The following DPP4 variants were observed in gnomAD, a reference collection of about 807,000 sequenced individuals.
The protein encoded by DPP4 is ADCP-2.
A neutral mutation model predicts 122.4 loss-of-function variants in DPP4; 93 were observed. That is an observed-to-expected ratio of 0.76 (90% CI 0.64 to 0.90). The LOEUF (loss-of-function observed/expected upper bound fraction) is 0.90. Among genes scored for constraint, DPP4 ranks in the 40% least tolerant of loss-of-function variants. The pLI is 0.00. For missense variants in DPP4, 914 were observed against 907.3 expected, an observed-to-expected ratio of 1.01 and a Z score of -0.09; for synonymous variants, 321 against 302.9, an observed-to-expected ratio of 1.06 and a Z score of -0.62.
intron 10 of DPP4, among the ~76,000 whole-genome samples, chr2:162,029,969 A>G (rs1345941304): frequency 6.6e-6 from 1 of 152,180 alleles, no homozygotes; most frequent in Non-Finnish European, 1.5e-5. Context: ...CCATCCATCC[A>G]TCCTCTGCTT....
At chr2:162,037,339 A>G (rs1683815977) in intron 8 of DPP4, among the ~76,000 whole-genome samples, 1 of 152,180 alleles carries the variant, frequency 6.6e-6, no homozygotes, top group South Asian at 2.1e-4. Context: ...GTGCTGTCCA[A>G]GGGTTAAAGA....
chr2:162,029,426 G>T (rs1176968669), intron 10 of DPP4, among the ~76,000 whole-genome samples: 1 of 152,222 alleles, frequency 6.6e-6, no homozygotes, highest in East Asian at 1.9e-4. Context: ...CTGCTCTGAT[G>T]GGGATGCCAA....
chr2:162,041,448 C>G (rs1456426818), intron 5 of DPP4, among the ~76,000 whole-genome samples: 2 of 152,078 alleles, frequency 1.3e-5, no homozygotes, highest in African/African-American at 2.4e-5. Flanking sequence ...CCCAAGGACA[C>G]CTAGCTATAT....
chr2:162,017,012 A>G, intron 17 of DPP4, 96 bp downstream of exon 17: 1 of 1,465,244 alleles, frequency 6.8e-7, no homozygotes. Context: ...TTGTCAAGAC[A>G]CAAAGCCAAA....
chr2:161,993,376 AG>A lies in DPP4; in HGVS notation c.2207del (p.Thr736MetfsTer7). ...TGCTAGCTATTCCATGGTCTTCATC[AG>A]TATACCACTAGAGAGAGAAAGAAAA... Reference protein sequence around the residue: ...VGVDFQAMWYTDEDHGIASST... With the variant: ...VGVDFQAMWYXDEDHGIASST... On this transcript the variant is annotated frameshift_variant, in exon 26 of 26. Transcript: ENST00000360534. LOFTEE classifies it high-confidence loss of function. 1 of 1,609,934 alleles carries A rather than the reference AG, an allele frequency of 6.2e-7. No homozygotes were observed. Among genetic ancestry groups the A allele is most frequent in the Non-Finnish European group, 8.5e-7 (1 of 1,176,322 alleles).
intron 9 of DPP4, 33 bp from the exon 10 acceptor site, chr2:162,033,686 CA>C (rs11437441): frequency 0.06 from 64,307 of 1,074,224 alleles, 6 homozygotes; most frequent in South Asian, 0.1. Flanking sequence ...TTGGTATTGA[CA>C]AAAAAAAAAA....
At chr2:162,042,835 A>G (rs1684034157) in intron 5 of DPP4, among the ~76,000 whole-genome samples, 2 of 152,200 alleles carry the variant, frequency 1.3e-5, no homozygotes, top group Admixed American at 6.5e-5. Flanking sequence ...CAAAGAAATC[A>G]ATGACAAAAT....
intron 8 of DPP4, 94 bp from the exon 9 acceptor site, chr2:162,035,418 A>T: frequency 8.6e-7 from 1 of 1,168,546 alleles, no homozygotes; most frequent in South Asian, 1.6e-5. Context: ...TAGTAATTAC[A>T]GTAGAGTTCA....
intron 2 of DPP4, among the ~76,000 whole-genome samples, chr2:162,052,536 G>T (rs999343900): frequency 3.0e-4 from 45 of 152,134 alleles, no homozygotes; most frequent in South Asian, 1.2e-3. Flanking sequence ...TTCTTTAAAG[G>T]TTACCCATTC....
chr2:162,030,784 C>T (rs896892462), intron 10 of DPP4, among the ~76,000 whole-genome samples: 5 of 152,180 alleles, frequency 3.3e-5, no homozygotes, highest in African/African-American at 1.2e-4. Flanking sequence ...ATTTTAAACT[C>T]CCTAAAAAAC....
intron 5 of DPP4, among the ~76,000 whole-genome samples, chr2:162,044,971 T>C (rs1233494310): frequency 2.6e-5 from 4 of 151,544 alleles, no homozygotes; most frequent in Non-Finnish European, 4.4e-5. Flanking sequence ...TTTCTTTTTT[T>C]TTTTTTTGAC....
chr2:162,041,250 A>C (rs1417071675), intron 5 of DPP4, among the ~76,000 whole-genome samples: 4 of 152,206 alleles, frequency 2.6e-5, no homozygotes. Context: ...GGTATTTTCA[A>C]ATAAGTTACT....
At chr2:162,020,204 T>A (rs747065389) in intron 14 of DPP4, 25 bp downstream of exon 14, 1 of 1,590,234 alleles carries the variant, frequency 6.3e-7, no homozygotes, top group East Asian at 2.2e-5. Flanking sequence ...TAGGTTTATA[T>A]CCTATCAATT....
At chr2:162,073,752 C>G (rs1685209107) in intron 1 of DPP4, among the ~76,000 whole-genome samples, 1 of 152,204 alleles carries the variant, frequency 6.6e-6, no homozygotes, top group South Asian at 2.1e-4. Flanking sequence ...CTGTGAGTGG[C>G]TCTCCGGGAC....
intron 23 of DPP4, among the ~76,000 whole-genome samples, chr2:162,000,009 A>G (rs1701105554): frequency 6.6e-6 from 1 of 152,152 alleles, no homozygotes; most frequent in Non-Finnish European, 1.5e-5. Flanking sequence ...AATTGCGGAC[A>G]TGTTGGCCTA....
chr2:162,047,091 C>A, intron 3 of DPP4, 85 bp from the exon 4 acceptor site: 1 of 712,934 alleles, frequency 1.4e-6, no homozygotes, highest in Non-Finnish European at 2.4e-6. Flanking sequence ...ACAGTTTAAG[C>A]TCACAAATAC....
chr2:162,018,798 G>A lies in DPP4; in HGVS notation c.1351C>T (p.Pro451Ser). 2 of 1,614,092 alleles carry A rather than the reference G, an allele frequency of 1.2e-6. No homozygotes were observed. The highest frequency in any genetic ancestry group is 2.7e-5 in the African/African-American group (2 of 75,018). ...KVTCLSCELN[P>S]ERCQYYSVSF... Reference sequence around the variant, plus strand: ...ACAGAATAGTACTGACACCTTTCCGGATTCAGCTCACAACTGAGGCATGTC... The same window carrying A: ...ACAGAATAGTACTGACACCTTTCCGAATTCAGCTCACAACTGAGGCATGTC... The change falls in exon 16 of 26, where the codon CCG (proline) becomes TCG (serine). Residue 451 changes from proline to serine, a missense_variant. By Grantham distance (74) the Pro-to-Ser change is moderately conservative (BLOSUM62 -1). Coordinates refer to ENST00000360534, the MANE Select transcript of DPP4 (RefSeq NM_001935.4).
At chr2:162,063,008 G>A (rs912520460) in intron 2 of DPP4, among the ~76,000 whole-genome samples, 5 of 151,840 alleles carry the variant, frequency 3.3e-5, no homozygotes, top group Admixed American at 3.3e-4. Context: ...GAGAGATGTT[G>A]GCAATAATTT....
At chr2:162,018,405 A>G (rs1011548358) in intron 16 of DPP4, among the ~76,000 whole-genome samples, 57 of 152,206 alleles carry the variant, frequency 3.7e-4, no homozygotes, top group African/African-American at 1.2e-3. Flanking sequence ...CCAGCCACAT[A>G]CATTTTCTCA....
Sources: allele counts gnomAD v4.1 joint callset (sites outside exome capture counted in the v4.1 genomes callset), GRCh38; gene constraint gnomAD v4.1.1; transcripts MANE v1.5; gene names NCBI Gene and HGNC (gene_info 2026-07-23, HGNC 2026-07-21).